The following ABCA8 variants were observed in gnomAD, a reference collection of about 807,000 sequenced individuals.
The protein encoded by ABCA8 is ABC-type organic anion transporter ABCA8.
In ABCA8, 177 loss-of-function variants were observed where a neutral mutation model predicts 192.3. That is an observed-to-expected ratio of 0.92 (90% CI 0.81 to 1.04). ABCA8 has a LOEUF of 1.04. Ranked by LOEUF, ABCA8 falls within the 50% of genes least tolerant of loss-of-function variation. ABCA8 has a pLI of 0.00. For synonymous variants in ABCA8, 642 were observed against 690.2 expected (o/e 0.93, Z 1.09); for missense variants, 1,915 against 1,904.8 (o/e 1.01, Z -0.10).
At chr17:68,908,808 GTTAT>G (rs1302929640) in intron 17 of ABCA8, among the ~76,000 whole-genome samples, 1 of 152,154 alleles carries the variant, frequency 6.6e-6, no homozygotes, top group African/African-American at 2.4e-5. Context: ...TCTGGAACGT[GTTAT>G]TTAACTTATC....
At chr17:68,942,278 T>G (rs1236777780) in intron 2 of ABCA8, among the ~76,000 whole-genome samples, 2 of 152,182 alleles carry the variant, frequency 1.3e-5, no homozygotes, top group African/African-American at 2.4e-5. Context: ...TTACTGTCTC[T>G]CAGCCCTAAA....
chr17:68,884,778 A>G, intron 27 of ABCA8: 1 of 985,326 alleles, frequency 1.0e-6, no homozygotes, highest in Non-Finnish European at 1.2e-6. Flanking sequence ...ACTCATGTAC[A>G]GTAACTTCCT....
Position 68,907,790 on chromosome 17 carries a change from T to C in ABCA8, c.2228A>G (p.Glu743Gly). ...GGGTAATGTATAAATAAGTTTTCCT[T>C]CGCTTTTGGCTGATAATTTGGCATC... ...IPDAKLSAKS[E>G]GKLIYTLPLE... Residue 743 changes from glutamate to glycine, a missense_variant, in exon 18 of 40, where the codon GAA becomes GGA. Physicochemically the swap from Glu to Gly is moderately conservative, Grantham distance 98. Coordinates refer to ENST00000586539, the MANE Select transcript of ABCA8 (RefSeq NM_001288985.2). 1.2e-6 allele frequency: 2 copies of C among 1,609,994 alleles called. No homozygotes were observed. The highest frequency in any genetic ancestry group is 1.7e-4 in the Middle Eastern group (1 of 5,976).
Position 68,933,135 on chromosome 17 carries a change from A to G in ABCA8, c.570+33T>C, listed in dbSNP as rs144454718. 4.9e-3 allele frequency: 6,992 copies of G among 1,416,898 alleles called. 30 individuals are homozygous for G. The highest frequency in any genetic ancestry group is 5.9e-3 in the South Asian group (502 of 85,304). 87.8% of individuals were successfully genotyped at this position (1,416,898 alleles called of 1,614,324 possible). ...CCTCTAATATCATTAACTTGCATTA[A>G]ACATTAGTTTGCTTTGAACATTTTG... is the stretch of plus-strand genomic sequence containing the variant. On this transcript the variant is annotated intron_variant, in intron 6 of 39. Coordinates refer to ENST00000586539, the MANE Select transcript of ABCA8 (RefSeq NM_001288985.2).
intron 11 of ABCA8, among the ~76,000 whole-genome samples, chr17:68,923,116 T>A (rs2067590627): frequency 6.6e-6 from 1 of 152,134 alleles, no homozygotes; most frequent in African/African-American, 2.4e-5. Context: ...CCAAATCAAA[T>A]TTATGTTTCT....
intron 17 of ABCA8, among the ~76,000 whole-genome samples, chr17:68,912,595 T>A (rs1390126553): frequency 6.6e-6 from 1 of 152,082 alleles, no homozygotes; most frequent in East Asian, 1.9e-4. Context: ...GAAATAGATA[T>A]CTTTATATTA....
At chr17:68,902,917 A>C (rs746867379) in intron 20 of ABCA8, 38 bp from the exon 21 acceptor site, 1 of 1,560,950 alleles carries the variant, frequency 6.4e-7, no homozygotes, top group South Asian at 1.2e-5. Context: ...ATGCAATGTC[A>C]TTTCCTGATC....
chr17:68,932,003 G>A (rs996584204), intron 7 of ABCA8: 2 of 233,338 alleles, frequency 8.6e-6, no homozygotes, highest in African/African-American at 4.4e-5. Flanking sequence ...GAGGTCAGGA[G>A]ATCGAGACCA....
intron 10 of ABCA8, 110 bp from the exon 11 acceptor site, chr17:68,924,979 T>A: frequency 8.9e-7 from 1 of 1,125,654 alleles, no homozygotes; most frequent in Non-Finnish European, 1.3e-6. Context: ...CCTGAACATG[T>A]GGTCAACAGC....
At chr17:68,904,794 G>A (rs1454398576) in intron 19 of ABCA8, among the ~76,000 whole-genome samples, 1 of 152,142 alleles carries the variant, frequency 6.6e-6, no homozygotes, top group African/African-American at 2.4e-5. Flanking sequence ...AGTGTCTTGA[G>A]CAAGACATCA....
At position 68,932,434 on chromosome 17, in the gene ABCA8, T is replaced by C. The variant is rs770351209; in HGVS notation, c.651A>G (p.Gln217=). The change falls in exon 7 of 40, where the codon CAA becomes CAG. Residue 217 remains glutamine (Q), a synonymous_variant. Transcript: ENST00000586539. ...GGTACAAATCAGTTATAACTCCTGA[T>C]TGACCAATGAAGGAATGCATCTTCA... The part of the protein sequence containing the change: ...KNMKMHSFIG[Q]SGVITDLYLF... 47 of 1,613,962 alleles carry C rather than the reference T, an allele frequency of 2.9e-5. No individual in the cohort carries two copies. The highest frequency in any genetic ancestry group is 8.3e-5 in the Admixed American group (5 of 60,008).
At chr17:68,889,337 C>T (rs1276358580) in intron 24 of ABCA8, among the ~76,000 whole-genome samples, 1 of 152,190 alleles carries the variant, frequency 6.6e-6, no homozygotes, top group East Asian at 1.9e-4. Context: ...TCTGGCTCCA[C>T]TGCAGAACTG....
chr17:68,890,000 G>A (rs913722539), intron 24 of ABCA8, among the ~76,000 whole-genome samples: 2 of 152,262 alleles, frequency 1.3e-5, no homozygotes, highest in Admixed American at 1.3e-4. Flanking sequence ...TATGATTAAT[G>A]CTATTCAGAA....
intron 13 of ABCA8, 96 bp downstream of exon 13, chr17:68,921,286 C>T (rs2067525115): frequency 1.5e-6 from 1 of 673,204 alleles, no homozygotes. Flanking sequence ...ACCAACATGG[C>T]ACATGTATAC....
At chr17:68,953,880 C>T (rs970200804) in intron 1 of ABCA8, among the ~76,000 whole-genome samples, 4 of 152,108 alleles carry the variant, frequency 2.6e-5, no homozygotes, top group Non-Finnish European at 5.9e-5. Flanking sequence ...ATGCAATTAT[C>T]TATAGAAGTA....
At chr17:68,918,660 G>T in intron 14 of ABCA8, 114 bp from the exon 15 acceptor site, 1 of 1,103,048 alleles carries the variant, frequency 9.1e-7, no homozygotes, top group Non-Finnish European at 1.2e-6. Flanking sequence ...TGGGTCAGGC[G>T]CGGTGGCTCA....
chr17:68,882,066 C>T, intron 30 of ABCA8, 86 bp from the exon 31 acceptor site: 2 of 1,120,070 alleles, frequency 1.8e-6, no homozygotes, highest in East Asian at 2.4e-5. Flanking sequence ...TTGGCTGGAC[C>T]CTTTGTTGCC....
At chr17:68,883,562 T>C (rs1204539850) in intron 29 of ABCA8, among the ~76,000 whole-genome samples, 1 of 152,178 alleles carries the variant, frequency 6.6e-6, no homozygotes. Flanking sequence ...CCACTGTGGA[T>C]AGTGTCAGAT....
intron 38 of ABCA8, among the ~76,000 whole-genome samples, chr17:68,868,809 C>T (rs1013511971): frequency 6.6e-6 from 1 of 152,122 alleles, no homozygotes; most frequent in Non-Finnish European, 1.5e-5. Flanking sequence ...AGGAACTGTT[C>T]TTTTGACCAA....
Sources: allele counts gnomAD v4.1 joint callset (sites outside exome capture counted in the v4.1 genomes callset), GRCh38; gene constraint gnomAD v4.1.1; transcripts MANE v1.5; gene names NCBI Gene and HGNC (gene_info 2026-07-23, HGNC 2026-07-21).